Variants in ERBB2 observed in about 807,000 individuals in gnomAD.
ERBB2 encodes erb-b2 receptor tyrosine kinase 2.
ERBB2 carries 61 observed loss-of-function variants against 149.0 expected under a neutral mutation model. The ratio of observed to expected loss-of-function variants is 0.41; its 90% confidence interval spans 0.33 to 0.51. ERBB2 has a LOEUF of 0.51. Ranked by LOEUF, ERBB2 falls within the 20% of genes least tolerant of loss-of-function variation. ERBB2 has a pLI of 0.25. For missense variants in ERBB2, 1,205 were observed against 1,655.1 expected (o/e 0.73, Z 4.72); for synonymous variants, 633 against 678.8 (o/e 0.93, Z 1.05).
upstream of ERBB2, among the ~76,000 whole-genome samples, chr17:39,691,900 GATATATATACAT>G (rs2057713753): frequency 9.0e-6 from 1 of 110,782 alleles, no homozygotes; most frequent in African/African-American, 3.6e-5. Flanking sequence ...TATAGATATA[GATATATATACAT>G]ATACATATAC....
chr17:39,727,583 C>T lies in ERBB2; in HGVS notation c.3412+36C>T, dbSNP rs2143267941. 6.3e-7 allele frequency: 1 copy of T among 1,582,276 alleles called. No homozygotes were observed. The highest frequency in any genetic ancestry group is 1.2e-5 in the South Asian group (1 of 85,726). On this transcript the variant is annotated intron_variant, in intron 26 of 26. Transcript: ENST00000269571. The surrounding 1 kb of genome is among the most constrained non-coding windows in gnomAD (Gnocchi z 4.3). ...CAGTCTAAGCAGAGAGACTGATGGG[C>T]AGGGGAGGTGGGACCTTCAGCCCAG...
Position 39,725,504 on chromosome 17 carries a change from A to AGG in ERBB2, c.2725+104_2725+105dup, listed in dbSNP as rs928245091. 4.6e-6 allele frequency: 6 copies of AGG among 1,317,416 alleles called. No individual in the cohort carries two copies. In the Admixed American group the frequency reaches 1.1e-4, roughly 24 times the overall value. 81.6% of individuals were successfully genotyped at this position (1,317,416 alleles called of 1,614,324 possible). A position where few individuals can be genotyped will look rare whatever the true frequency, so the allele number is the denominator to read the frequency against. On this transcript the variant is annotated intron_variant, in intron 22 of 26. Coordinates refer to ENST00000269571, the MANE Select transcript of ERBB2 (RefSeq NM_004448.4). This position sits in a 1 kb window ranked among gnomAD's most constrained non-coding sequence, Gnocchi z 4.6. ...ATTACGGGGCCACCTCAGCATGTGA[A>AGG]GGGAGGGAAGGGGCTGCCTGTGCCC...
intron 16 of ERBB2, among the ~76,000 whole-genome samples, chr17:39,720,953 C>T (rs539430330): frequency 5.9e-5 from 9 of 152,084 alleles, no homozygotes; most frequent in South Asian, 2.1e-4. Flanking sequence ...CAGCCAGATA[C>T]GCTATCTTTT....
intron 1 of ERBB2, among the ~76,000 whole-genome samples, chr17:39,703,763 T>A (rs2058250247): frequency 6.6e-6 from 1 of 152,238 alleles, no homozygotes; most frequent in East Asian, 1.9e-4. Flanking sequence ...TGGTCTGATG[T>A]CAGGCCTGAT....
upstream of ERBB2, among the ~76,000 whole-genome samples, chr17:39,691,572 T>TACACACACAC (rs1373633549): frequency 2.5e-4 from 30 of 121,532 alleles, 1 homozygote; most frequent in African/African-American, 1.3e-3. Context: ...TATATATATA[T>TACACACACAC]ATACACACAC....
Position 39,727,324 on chromosome 17 carries a change from G to A in ERBB2, c.3189G>A (p.Leu1063=), listed in dbSNP as rs1447390580. 6.2e-7 allele frequency: 1 copy of A among 1,612,746 alleles called. No individual in the cohort carries two copies. The change falls in exon 26 of 27, where the codon CTG becomes CTA. Residue 1063 remains leucine (L), a synonymous_variant. Coordinates refer to ENST00000269571, the MANE Select transcript of ERBB2 (RefSeq NM_004448.4). This position sits in a 1 kb window ranked among gnomAD's most constrained non-coding sequence, Gnocchi z 4.3. The part of the protein sequence containing the change: ...RSGGGDLTLG[L]EPSEEEAPRS... ...GCGGTGGGGACCTGACACTAGGGCT[G>A]GAGCCCTCTGAAGAGGAGGCCCCCA...
At chr17:39,709,547 C>G (rs925247425) in intron 4 of ERBB2, 95 bp downstream of exon 4, 1 of 1,457,170 alleles carries the variant, frequency 6.9e-7, no homozygotes, top group Non-Finnish European at 9.5e-7. Context: ...CCGCCACTGC[C>G]CCAGCCGCCT....
intron 1 of ERBB2, among the ~76,000 whole-genome samples, chr17:39,700,941 G>A (rs963600683): frequency 1.4e-5 from 2 of 140,086 alleles, no homozygotes; most frequent in Non-Finnish European, 3.1e-5. Context: ...CGGGGGAGAC[G>A]TTTGCTTTGA....
At chr17:39,714,277 C>G (rs534549366) in intron 9 of ERBB2, among the ~76,000 whole-genome samples, 1 of 152,018 alleles carries the variant, frequency 6.6e-6, no homozygotes, top group East Asian at 1.9e-4. Context: ...CTTTGAGAGC[C>G]GGTCATGACA....
chr17:39,712,226 G>T, intron 8 of ERBB2, 96 bp from the exon 9 acceptor site: 1 of 1,558,894 alleles, frequency 6.4e-7, no homozygotes. Context: ...CTGTCAGTGT[G>T]GGGAGGGGCC....
intron 19 of ERBB2, 42 bp from the exon 20 acceptor site, chr17:39,724,684 T>G (rs960601314): frequency 3.8e-6 from 6 of 1,568,664 alleles, no homozygotes; most frequent in African/African-American, 2.7e-5. Flanking sequence ...TGTTTGGGGG[T>G]GTGTGGTCTC....
chr17:39,691,866 G>GAT (rs1555611716), upstream of ERBB2, among the ~76,000 whole-genome samples: 2 of 128,888 alleles, frequency 1.6e-5, no homozygotes, highest in East Asian at 2.1e-4. Flanking sequence ...AAACCTTCAT[G>GAT]ATAGATATAG....
At chr17:39,724,272 A>ATTTTTTTTTTTTTTTTGTTTTTTTTTT in intron 19 of ERBB2, among the ~76,000 whole-genome samples, 1 of 77,016 alleles carries the variant, frequency 1.3e-5, no homozygotes, top group Non-Finnish European at 2.7e-5. Context: ...GCGCCCGCTA[A>ATTTTTTTTTTTTTTTTGTTTTTTTTTT]TTTTTTTTTT....
chr17:39,724,272 A>ATTGTTTTTTTTTTTTTT (rs2059615489), intron 19 of ERBB2, among the ~76,000 whole-genome samples: 1 of 77,016 alleles, frequency 1.3e-5, no homozygotes, highest in Non-Finnish European at 2.7e-5. Flanking sequence ...GCGCCCGCTA[A>ATTGTTTTTTTTTTTTTT]TTTTTTTTTT....
At chr17:39,699,903 A>C, upstream of ERBB2, 1 of 820,042 alleles carries the variant, frequency 1.2e-6, no homozygotes, top group Non-Finnish European at 1.7e-6. Flanking sequence ...GCGCGAAGAG[A>C]GGGAGAAAGT....
chr17:39,706,881 G>T (rs921945808), intron 1 of ERBB2, 109 bp from the exon 2 acceptor site: 67 of 1,167,204 alleles, frequency 5.7e-5, no homozygotes, highest in Middle Eastern at 2.1e-4. Flanking sequence ...CTTCAGTCAG[G>T]CTTCTCCCTG....
chr17:39,689,389 C>G (rs1363587697), intron 2 of ERBB2, among the ~76,000 whole-genome samples: 1 of 152,184 alleles, frequency 6.6e-6, no homozygotes, highest in African/African-American at 2.4e-5. Context: ...AACAAAACAA[C>G]CCCTTAGCCC....
rs772440208 is a variant in ERBB2, at chr17:39,723,364, C to T, written c.1992C>T (p.Val664=). The change falls in exon 17 of 27, where the codon GTC becomes GTT. Residue 664 remains valine, a synonymous_variant. Transcript: ENST00000269571. This position sits in a 1 kb window ranked among gnomAD's most constrained non-coding sequence, Gnocchi z 6.2. ...IISAVVGILL[V]VVLGVVFGIL... ...CTGCGGTGGTTGGCATTCTGCTGGT[C>T]GTGGTCTTGGGGGTGGTCTTTGGGA... 6.2e-7 allele frequency: 1 copy of T among 1,613,644 alleles called. No individual in the cohort carries two copies. The highest frequency in any genetic ancestry group is 8.5e-7 in the Non-Finnish European group (1 of 1,179,880).
At chr17:39,693,011 A>C (rs1397289502), upstream of ERBB2, among the ~76,000 whole-genome samples, 1 of 152,124 alleles carries the variant, frequency 6.6e-6, no homozygotes, top group Non-Finnish European at 1.5e-5. Flanking sequence ...GCAGTGAGCC[A>C]AGACTGTACC....
Sources: gnomAD v4.1 joint callset for allele counts (sites outside exome capture counted in the v4.1 genomes callset) on GRCh38, gnomAD v4.1.1 for gene constraint, Gnocchi (gnomAD v3.1) non-coding constraint, MANE v1.5 for transcripts, NCBI Gene and HGNC (gene_info 2026-07-23, HGNC 2026-07-21) for gene names.